Variants in ZNF544 observed in about 807,000 individuals in gnomAD.
ZNF544 encodes the protein zinc finger protein 544, also known as zinc finger protein AF020591.
Under a neutral mutation model 13.5 loss-of-function variants are expected in ZNF544, and 10 were observed. The ratio of observed to expected loss-of-function variants is 0.74; its 90% confidence interval spans 0.46 to 1.25. The LOEUF is 1.25. ZNF544 is among the 50% of genes most tolerant of loss of function. The pLI is 0.00. For missense variants in ZNF544, 896 were observed against 845.6 expected (o/e 1.06, Z -0.74); for synonymous variants, 323 against 300.5 (o/e 1.07, Z -0.77).
At chr19:58,276,448 CAA>C (rs35371049) in intron 6 of ZNF544, 267,354 of 1,203,286 alleles carry the variant, frequency 0.22, 31,707 homozygotes, top group East Asian at 0.51. Context: ...AGACATCTGT[CAA>C]AAGTCAGAAT....
At chr19:58,273,733 C>T (rs908291789) in intron 5 of ZNF544, among the ~76,000 whole-genome samples, 21 of 151,470 alleles carry the variant, frequency 1.4e-4, no homozygotes, top group African/African-American at 5.1e-4. Flanking sequence ...GTGTGTCTCA[C>T]GTTTTTTGTC....
intron 4 of ZNF544, chr19:58,246,004 TG>T (rs940866239): frequency 7.7e-6 from 3 of 387,444 alleles, no homozygotes; most frequent in Non-Finnish European, 1.5e-5. Flanking sequence ...TTCTGGAGGC[TG>T]GTAAGTCCAA....
rs1226874039 is a variant in ZNF544 at position 58,261,304 on chromosome 19, A to G, written c.698A>G (p.Asn233Ser). ...AGTATTTACTTGAGTAAACTTGGAAACGTTGAAACAGGAAAGAAAAACCCT... is the reference window on the plus strand; with the variant it reads ...AGTATTTACTTGAGTAAACTTGGAAGCGTTGAAACAGGAAAGAAAAACCCT... Reference protein sequence around the residue: ...CQSIYLSKLGNVETGKKNPYE... With the variant: ...CQSIYLSKLGSVETGKKNPYE... Residue 233 changes from asparagine (N) to serine (S), a missense_variant, in exon 7 of 7, where the codon AAC becomes AGC. By Grantham distance (46) the Asn-to-Ser change is conservative. Transcript: ENST00000687789. 6.2e-7 allele frequency: 1 copy of G among 1,614,026 alleles called. No homozygotes were observed. Among genetic ancestry groups the G allele is most frequent in the East Asian group, 2.2e-5 (1 of 44,898 alleles).
At chr19:58,239,519 C>T (rs1315495541) in intron 3 of ZNF544, among the ~76,000 whole-genome samples, 1 of 152,162 alleles carries the variant, frequency 6.6e-6, no homozygotes, top group African/African-American at 2.4e-5. Flanking sequence ...GTCCTTGAGA[C>T]CATTCTCAGG....
chr19:58,238,447 C>G (rs952963741), intron 3 of ZNF544, among the ~76,000 whole-genome samples: 1 of 152,138 alleles, frequency 6.6e-6, no homozygotes, highest in East Asian at 1.9e-4. Context: ...CTGAGCCAGG[C>G]ATGGGGCAGG....
chr19:58,261,320 G>A lies in ZNF544; in HGVS notation c.714G>A (p.Lys238=), dbSNP rs1276198096. 1 of 1,614,134 alleles carries A rather than the reference G, an allele frequency of 6.2e-7. No homozygotes were observed. Reference sequence around the variant, plus strand: ...AACTTGGAAACGTTGAAACAGGAAAGAAAAACCCTTATGAATATATTGTCA... The same window carrying A: ...AACTTGGAAACGTTGAAACAGGAAAAAAAAACCCTTATGAATATATTGTCA... The part of the protein sequence containing the change: ...LSKLGNVETG[K]KNPYEYIVSG... Residue 238 remains lysine, a synonymous_variant, in exon 7 of 7, where the codon AAG becomes AAA. Coordinates refer to ENST00000687789, the MANE Select transcript of ZNF544 (RefSeq NM_014480.4).
At chr19:58,236,154 G>T (rs1157974559) in intron 3 of ZNF544, among the ~76,000 whole-genome samples, 1 of 152,078 alleles carries the variant, frequency 6.6e-6, no homozygotes, top group African/African-American at 2.4e-5. Flanking sequence ...TGGATTGCTT[G>T]AGCCCAAGAG....
chr19:58,240,358 C>T (rs1324105909), intron 3 of ZNF544, among the ~76,000 whole-genome samples: 4 of 151,730 alleles, frequency 2.6e-5, no homozygotes, highest in South Asian at 4.2e-4. Context: ...CCCGGGTTCA[C>T]GCCATTCTCC....
intron 3 of ZNF544, among the ~76,000 whole-genome samples, chr19:58,237,823 G>T (rs2042747132): frequency 6.6e-6 from 1 of 152,258 alleles, no homozygotes; most frequent in Admixed American, 6.5e-5. Context: ...AGGCAGCAAG[G>T]TGCGGAGCCA....
chr19:58,262,497 C>A lies in ZNF544; in HGVS notation c.1891C>A (p.Pro631Thr). 6.2e-7 allele frequency: 1 copy of A among 1,614,144 alleles called. No homozygotes were observed. Among genetic ancestry groups the A allele is most frequent in the East Asian group, 2.2e-5 (1 of 44,856 alleles). The change falls in exon 7 of 7, where the codon CCG becomes ACG. Residue 631 changes from proline (P) to threonine (T), a missense_variant. Coordinates refer to ENST00000687789, the MANE Select transcript of ZNF544 (RefSeq NM_014480.4). Reference sequence around the variant, plus strand: ...TCTGCAAATTCACACTGGGGAGAAGCCGTACAAATGCAATCAGTGCAATAA... The same window carrying A: ...TCTGCAAATTCACACTGGGGAGAAGACGTACAAATGCAATCAGTGCAATAA... ...RHLQIHTGEK[P>T]YKCNQCNKAF... is the part of the protein sequence containing the mutation.
At chr19:58,276,729 A>G (rs1379303147) in intron 6 of ZNF544, among the ~76,000 whole-genome samples, 1 of 152,154 alleles carries the variant, frequency 6.6e-6, no homozygotes, top group African/African-American at 2.4e-5. Context: ...CAGCCTCCCA[A>G]AGTGCTGGGA....
chr19:58,276,394 C>G (rs997305896), exon 6 of ZNF544: 2 of 1,231,544 alleles, frequency 1.6e-6, no homozygotes, highest in African/African-American at 3.1e-5. Flanking sequence ...GGAAGGCTGC[C>G]TGATCCAGTT....
chr19:58,268,320 T>A (rs559169110), downstream of ZNF544, among the ~76,000 whole-genome samples: 33 of 152,018 alleles, frequency 2.2e-4, no homozygotes, highest in African/African-American at 7.7e-4. Context: ...TAAATAAAAA[T>A]AAAAAATAAG....
exon 7 of ZNF544, chr19:58,277,254 C>CT: frequency 1.3e-6 from 1 of 752,462 alleles, no homozygotes. Flanking sequence ...CAGCTTGAGC[C>CT]CTCAGGAGTC....
chr19:58,237,436 C>T (rs1007548443), intron 3 of ZNF544, among the ~76,000 whole-genome samples: 11 of 152,162 alleles, frequency 7.2e-5, no homozygotes, highest in African/African-American at 1.9e-4. Flanking sequence ...CGCTCCAGGC[C>T]GGCAGCTTGC....
At chr19:58,236,003 T>A (rs760962446) in intron 3 of ZNF544, among the ~76,000 whole-genome samples, 9 of 151,452 alleles carry the variant, frequency 5.9e-5, no homozygotes, top group Non-Finnish European at 4.4e-5. Context: ...GAGGTTGCAG[T>A]GAGCCGAGAT....
rs1030846512 is a variant in ZNF544, at chr19:58,234,900, AAG to A, written c.-60+4441_-60+4442del. Among the ~76,000 whole-genome samples the A allele has an allele frequency of 6.0e-4, 91 of 152,364 alleles. 2 individuals carry two copies. The highest frequency in any genetic ancestry group is 2.1e-3 in the African/African-American group (86 of 41,588). On this transcript the variant is annotated intron_variant, in intron 3 of 6. Transcript: ENST00000687789. ...GATACTTTACAATGCTAAGTTTCAA[AAG>A]AGTGTTTACATTATAATCACATTTT...
At chr19:58,241,691 G>C (rs749790851) in intron 3 of ZNF544, among the ~76,000 whole-genome samples, 6 of 151,816 alleles carry the variant, frequency 4.0e-5, no homozygotes, top group African/African-American at 7.3e-5. Flanking sequence ...TAGAGACAGG[G>C]TTTCACCGTG....
intron 6 of ZNF544, among the ~76,000 whole-genome samples, chr19:58,256,753 G>GC (rs1297676387): frequency 1.3e-5 from 2 of 152,162 alleles, no homozygotes; most frequent in African/African-American, 2.4e-5. Context: ...GTTTACCCAG[G>GC]CCAACTCCTT....
Sources: allele counts gnomAD v4.1 joint callset (sites outside exome capture counted in the v4.1 genomes callset), GRCh38; gene constraint gnomAD v4.1.1; transcripts MANE v1.5; gene names NCBI Gene and HGNC (gene_info 2026-07-23, HGNC 2026-07-21).